The following EFCAB6 variants were observed in gnomAD, a reference collection of about 807,000 sequenced individuals.
The protein encoded by EFCAB6 is EF-hand calcium binding domain 6.
Under a neutral mutation model 169.8 loss-of-function variants are expected in EFCAB6, and 156 were observed. That is an observed-to-expected ratio of 0.92 (90% CI 0.81 to 1.05). The LOEUF is 1.05. Ranked by LOEUF, EFCAB6 falls within the 50% of genes least tolerant of loss-of-function variation. The probability of loss-of-function intolerance (pLI) is 0.00; values close to 1 mark genes in which losing one functional copy is unlikely to be tolerated. For synonymous variants in EFCAB6, 698 were observed against 676.4 expected (o/e 1.03, Z -0.50); for missense variants, 1,800 against 1,829.1 (o/e 0.98, Z 0.29).
intron 6 of EFCAB6, among the ~76,000 whole-genome samples, chr22:43,749,664 C>G (rs1290804183): frequency 6.6e-6 from 1 of 152,040 alleles, no homozygotes; most frequent in Non-Finnish European, 1.5e-5. Context: ...CGCTCACCTC[C>G]TGCTGTGCAT....
rs553715293 is a variant in EFCAB6 at position 43,620,044 on chromosome 22, G to A, written c.2466-4122C>T. On this transcript the variant is annotated intron_variant, in intron 20 of 31. Transcript: ENST00000262726. Reference sequence around the variant, plus strand: ...TCTAAAGTAGCCTGAATGGTCTGGCGCAATGGCTCATGCCTGTGATCCAAG... The same window carrying A: ...TCTAAAGTAGCCTGAATGGTCTGGCACAATGGCTCATGCCTGTGATCCAAG... Among the ~76,000 whole-genome samples, 13 of 152,264 alleles carry A rather than the reference G, an allele frequency of 8.5e-5. No individual in the cohort carries two copies. In the South Asian group the frequency reaches 1.5e-3, roughly 17 times the overall value.
chr22:43,789,369 A>G (rs2062190579), intron 2 of EFCAB6, among the ~76,000 whole-genome samples: 1 of 152,204 alleles, frequency 6.6e-6, no homozygotes, highest in Non-Finnish European at 1.5e-5. Context: ...TGGGTGAGCC[A>G]AGGGAGACGT....
chr22:43,729,394 G>C (rs771128388), intron 8 of EFCAB6, among the ~76,000 whole-genome samples: 25 of 152,238 alleles, frequency 1.6e-4, no homozygotes, highest in Non-Finnish European at 3.1e-4. Context: ...ACCATGCCTG[G>C]CCTGGGGATT....
At position 43,673,673 on chromosome 22, in the gene EFCAB6, G is replaced by A. The variant is rs140250803; in HGVS notation, c.1420-1368C>T. On this transcript the variant is annotated intron_variant, in intron 13 of 31. Coordinates refer to ENST00000262726, the MANE Select transcript of EFCAB6 (RefSeq NM_022785.4). ...TGTGCGCCTATAATCCCAGCTACTC[G>A]GGAGGCTGTCGCAGGAGAATCATTT... is the stretch of plus-strand genomic sequence containing the variant. Among the ~76,000 whole-genome samples, 541 of 152,234 alleles carry A rather than the reference G, an allele frequency of 3.6e-3. 1 individual carries two copies. Among genetic ancestry groups the A allele is most frequent in the African/African-American group, 0.013 (520 of 41,538 alleles).
intron 27 of EFCAB6, chr22:43,552,631 G>A (rs899182834): frequency 1.3e-5 from 2 of 152,128 alleles, no homozygotes; most frequent in African/African-American, 2.4e-5. Flanking sequence ...TTAGAAAGCC[G>A]CGTTTAAAAA....
intron 6 of EFCAB6, among the ~76,000 whole-genome samples, chr22:43,745,315 C>T (rs527805670): frequency 2.6e-5 from 4 of 152,362 alleles, no homozygotes; most frequent in African/African-American, 9.6e-5. Context: ...GGAAAACAAT[C>T]CCTCTGGAGG....
At chr22:43,677,202 A>G (rs2057796753) in intron 13 of EFCAB6, among the ~76,000 whole-genome samples, 1 of 152,188 alleles carries the variant, frequency 6.6e-6, no homozygotes, top group African/African-American at 2.4e-5. Context: ...AAAAGTGTCA[A>G]CTTTTCAGTC....
intron 6 of EFCAB6, among the ~76,000 whole-genome samples, chr22:43,745,105 T>C (rs576985478): frequency 2.0e-5 from 3 of 152,354 alleles, no homozygotes; most frequent in African/African-American, 7.2e-5. Flanking sequence ...TGTACCCCAC[T>C]GAGTTCAGAT....
intron 21 of EFCAB6, among the ~76,000 whole-genome samples, chr22:43,613,143 A>G (rs2053439480): frequency 6.8e-6 from 1 of 147,982 alleles, no homozygotes; most frequent in Non-Finnish European, 1.5e-5. Flanking sequence ...ATAAATATAT[A>G]AATATCATAT....
intron 8 of EFCAB6, among the ~76,000 whole-genome samples, chr22:43,729,112 T>C (rs2059844637): frequency 6.6e-6 from 1 of 152,150 alleles, no homozygotes; most frequent in Non-Finnish European, 1.5e-5. Flanking sequence ...GAGGTGCCTG[T>C]CTCCTTTAAA....
At chr22:43,736,554 A>G (rs1026390237) in intron 6 of EFCAB6, among the ~76,000 whole-genome samples, 2 of 151,880 alleles carry the variant, frequency 1.3e-5, no homozygotes, top group African/African-American at 2.4e-5. Context: ...AGCACCCAGG[A>G]TATTTATTGG....
intron 12 of EFCAB6, 117 bp downstream of exon 12, chr22:43,683,630 G>A (rs923210720): frequency 2.3e-5 from 18 of 775,614 alleles, no homozygotes; most frequent in African/African-American, 2.2e-4. Flanking sequence ...GGGGGCTCAA[G>A]AAGTGTTTGT....
At chr22:43,607,859 G>A (rs1483059297) in intron 22 of EFCAB6, among the ~76,000 whole-genome samples, 1 of 152,200 alleles carries the variant, frequency 6.6e-6, no homozygotes, top group Non-Finnish European at 1.5e-5. Flanking sequence ...ATTGTTAGTG[G>A]AATGTGAAAC....
intron 5 of EFCAB6, among the ~76,000 whole-genome samples, chr22:43,764,704 A>G (rs1048097326): frequency 3.3e-5 from 5 of 152,238 alleles, no homozygotes; most frequent in Non-Finnish European, 7.3e-5. Flanking sequence ...ATTTAGAGTC[A>G]GATATAAGTA....
intron 22 of EFCAB6, among the ~76,000 whole-genome samples, chr22:43,600,669 T>C (rs2052443806): frequency 1.3e-5 from 2 of 152,114 alleles, no homozygotes; most frequent in Non-Finnish European, 2.9e-5. Context: ...GTTTTTTGTT[T>C]TGTTTTGTTT....
intron 13 of EFCAB6, among the ~76,000 whole-genome samples, chr22:43,675,718 G>C (rs2057727258): frequency 6.8e-6 from 1 of 146,664 alleles, no homozygotes. Context: ...CAAAAAAGCA[G>C]GTACCAAGAT....
chr22:43,683,833 G>A lies in EFCAB6; in HGVS notation c.1165C>T (p.His389Tyr). 1 of 1,612,552 alleles carries A rather than the reference G, an allele frequency of 6.2e-7. No homozygotes were observed. The highest frequency in any genetic ancestry group is 8.5e-7 in the Non-Finnish European group (1 of 1,178,578). ...RNSINSRNES[H>Y]KENIITKLFR... is the part of the protein sequence containing the mutation. ...AACTTTGTGATGATGTTTTCCTTGT[G>A]AGATTCATTTCTAGAGTTGATGCTA... The change falls in exon 12 of 32, where the codon CAC (histidine) becomes TAC (tyrosine). Residue 389 changes from histidine to tyrosine, a missense_variant. By Grantham distance (83) the His-to-Tyr change is moderately conservative. Transcript: ENST00000262726.
chr22:43,565,154 C>T (rs182316092), intron 26 of EFCAB6, among the ~76,000 whole-genome samples: 5 of 152,310 alleles, frequency 3.3e-5, no homozygotes, highest in Admixed American at 1.3e-4. Context: ...GGAGCATTTG[C>T]GTAATTGGGC....
intron 7 of EFCAB6, 116 bp from the exon 8 acceptor site, chr22:43,731,927 T>C: frequency 3.7e-6 from 2 of 538,006 alleles, no homozygotes; most frequent in South Asian, 4.6e-5. Flanking sequence ...TGTTTCTAGC[T>C]ACAGAGGGAA....
Sources: allele counts gnomAD v4.1 joint callset (sites outside exome capture counted in the v4.1 genomes callset), GRCh38; gene constraint gnomAD v4.1.1; transcripts MANE v1.5; gene names NCBI Gene and HGNC (gene_info 2026-07-23, HGNC 2026-07-21).